The following PPP2R5E variants were observed in gnomAD, a reference collection of about 807,000 sequenced individuals.
PPP2R5E encodes the protein serine/threonine-protein phosphatase 2A 56 kDa regulatory subunit epsilon isoform.
In PPP2R5E, 4 loss-of-function variants were observed where a neutral mutation model predicts 65.3. The ratio of observed to expected loss-of-function variants is 0.06; its 90% CI spans 0.03 to 0.14. The LOEUF (loss-of-function observed/expected upper bound fraction) is 0.14. Among genes scored for constraint, PPP2R5E ranks in the 10% least tolerant of loss-of-function variants. PPP2R5E has a pLI of 1.00. For synonymous variants in PPP2R5E, 183 were observed against 187.4 expected (o/e 0.98, Z 0.19); for missense variants, 274 against 556.1 (o/e 0.49, Z 5.10).
chr14:63,430,960 CT>C lies in PPP2R5E; in HGVS notation c.355-8867del, dbSNP rs1245700474. 3.3e-5 allele frequency among the ~76,000 whole-genome samples: 5 copies of C among 152,222 alleles called. No homozygotes were observed. In the South Asian group the frequency reaches 1.0e-3, roughly 32 times the overall value. On this transcript the variant is annotated intron_variant, in intron 3 of 13. Transcript: ENST00000337537. ...TCTGAATTTAAGAAACCATTCAAAT[CT>C]GTTATTATAGTATAAAGGCATGTCC... is the stretch of plus-strand genomic sequence containing the variant.
At chr14:63,400,085 A>G (rs916601099) in intron 5 of PPP2R5E, among the ~76,000 whole-genome samples, 1 of 152,228 alleles carries the variant, frequency 6.6e-6, no homozygotes, top group African/African-American at 2.4e-5. Context: ...TTTTAGCTAC[A>G]TAATGCCATC....
intron 2 of PPP2R5E, among the ~76,000 whole-genome samples, chr14:63,524,598 A>G (rs149153178): frequency 4.2e-4 from 64 of 152,358 alleles, no homozygotes; most frequent in Non-Finnish European, 3.5e-4. Flanking sequence ...GTGTTCAAGG[A>G]CACCACAGCC....
intron 2 of PPP2R5E, among the ~76,000 whole-genome samples, chr14:63,529,919 A>G (rs991237493): frequency 3.3e-5 from 5 of 152,206 alleles, no homozygotes; most frequent in Non-Finnish European, 7.3e-5. Context: ...TATGGCTTAC[A>G]GTGTTTTATG....
chr14:63,453,951 A>G (rs1888989625), intron 2 of PPP2R5E, 66 bp from the exon 3 acceptor site: 1 of 1,263,518 alleles, frequency 7.9e-7, no homozygotes, highest in African/African-American at 1.5e-5. Flanking sequence ...ATTCTCTGTG[A>G]AAGTTACTTC....
At chr14:63,480,608 G>A (rs757656831) in intron 2 of PPP2R5E, among the ~76,000 whole-genome samples, 1 of 152,116 alleles carries the variant, frequency 6.6e-6, no homozygotes, top group African/African-American at 2.4e-5. Flanking sequence ...ACCATGCCCT[G>A]CTATTTTTTC....
chr14:63,407,600 C>A (rs1000908421), intron 5 of PPP2R5E, among the ~76,000 whole-genome samples: 1 of 152,084 alleles, frequency 6.6e-6, no homozygotes, highest in Non-Finnish European at 1.5e-5. Flanking sequence ...AAGTGAAGAT[C>A]ATCACACATA....
intron 2 of PPP2R5E, among the ~76,000 whole-genome samples, chr14:63,517,126 T>A (rs1216212621): frequency 6.6e-6 from 1 of 152,102 alleles, no homozygotes; most frequent in Non-Finnish European, 1.5e-5. Flanking sequence ...TGGGCACAAA[T>A]GAGTATCAAT....
At chr14:63,398,260 T>G (rs554270763) in intron 5 of PPP2R5E, among the ~76,000 whole-genome samples, 1 of 152,092 alleles carries the variant, frequency 6.6e-6, no homozygotes, top group African/African-American at 2.4e-5. Context: ...AAAATTCATA[T>G]GGAAATGCAA....
intron 2 of PPP2R5E, among the ~76,000 whole-genome samples, chr14:63,526,419 T>C (rs555352688): frequency 1.3e-5 from 2 of 152,160 alleles, no homozygotes; most frequent in Non-Finnish European, 2.9e-5. Flanking sequence ...AATACAAGAG[T>C]GCTGAAGTTA....
At chr14:63,470,155 T>C (rs1890043530) in intron 2 of PPP2R5E, among the ~76,000 whole-genome samples, 1 of 152,080 alleles carries the variant, frequency 6.6e-6, no homozygotes, top group Admixed American at 6.5e-5. Flanking sequence ...CACTGTAGCC[T>C]CGACCTCCCT....
intron 2 of PPP2R5E, among the ~76,000 whole-genome samples, chr14:63,498,376 C>CTTTTA (rs529434422): frequency 6.6e-6 from 1 of 151,974 alleles, no homozygotes; most frequent in African/African-American, 2.4e-5. Flanking sequence ...CATTTCTTTT[C>CTTTTA]TTTTCTTTTT....
chr14:63,504,751 G>A (rs565156934), intron 2 of PPP2R5E, among the ~76,000 whole-genome samples: 3 of 152,050 alleles, frequency 2.0e-5, no homozygotes, highest in Non-Finnish European at 4.4e-5. Context: ...TGCCTTACAC[G>A]TCTTAGTCAC....
intron 1 of PPP2R5E, among the ~76,000 whole-genome samples, chr14:63,541,139 A>C (rs1342453669): frequency 2.6e-5 from 4 of 152,270 alleles, no homozygotes; most frequent in Admixed American, 2.6e-4. Context: ...TATGTTAGCT[A>C]TGATAAACTA....
At chr14:63,522,135 G>A (rs1046804781) in intron 2 of PPP2R5E, among the ~76,000 whole-genome samples, 2 of 151,714 alleles carry the variant, frequency 1.3e-5, no homozygotes, top group Non-Finnish European at 2.9e-5. Flanking sequence ...TGGTGGAGAC[G>A]GGGTTTCGCT....
chr14:63,499,052 C>T (rs1308505193), intron 2 of PPP2R5E, among the ~76,000 whole-genome samples: 1 of 152,058 alleles, frequency 6.6e-6, no homozygotes, highest in East Asian at 1.9e-4. Flanking sequence ...TATATATGCA[C>T]GTTTACTTCA....
intron 2 of PPP2R5E, among the ~76,000 whole-genome samples, chr14:63,514,089 T>C (rs1257826501): frequency 6.6e-6 from 1 of 152,230 alleles, no homozygotes; most frequent in African/African-American, 2.4e-5. Context: ...GACAGGAAAC[T>C]GAGTTTGTTT....
chr14:63,440,904 G>A (rs909388727), intron 3 of PPP2R5E, among the ~76,000 whole-genome samples: 1 of 139,264 alleles, frequency 7.2e-6, no homozygotes, highest in African/African-American at 2.8e-5. Flanking sequence ...AGCCGAGATC[G>A]CGCCACTGCA....
intron 11 of PPP2R5E, among the ~76,000 whole-genome samples, chr14:63,388,058 A>G (rs1009392454): frequency 1.3e-5 from 2 of 151,462 alleles, no homozygotes; most frequent in Admixed American, 6.6e-5. Context: ...TGACAAAGAC[A>G]TGGCCTCTCT....
intron 2 of PPP2R5E, among the ~76,000 whole-genome samples, chr14:63,467,376 C>T (rs1446516674): frequency 6.6e-6 from 1 of 152,062 alleles, no homozygotes; most frequent in Non-Finnish European, 1.5e-5. Flanking sequence ...TAAGCACAGC[C>T]TTTTTCTGAA....
Sources: allele counts gnomAD v4.1 joint callset (sites outside exome capture counted in the v4.1 genomes callset), GRCh38; gene constraint gnomAD v4.1.1; transcripts MANE v1.5; gene names NCBI Gene and HGNC (gene_info 2026-07-23, HGNC 2026-07-21).